The following IL6R variants were observed in gnomAD, a reference collection of about 807,000 sequenced individuals.
IL6R encodes interleukin-6 receptor subunit alpha.
A neutral mutation model predicts 48.3 loss-of-function variants in IL6R; 38 were observed. That is an observed-to-expected ratio of 0.79 (90% CI 0.61 to 1.03). The LOEUF is 1.03. Ranked by LOEUF, IL6R falls within the 50% of genes least tolerant of loss-of-function variation. IL6R has a pLI of 0.00. For synonymous variants in IL6R, 264 were observed against 256.2 expected (o/e 1.03, Z -0.29); for missense variants, 534 against 618.3 (o/e 0.86, Z 1.45).
At chr1:154,415,486 C>T (rs1020840864) in intron 1 of IL6R, among the ~76,000 whole-genome samples, 1 of 152,180 alleles carries the variant, frequency 6.6e-6, no homozygotes, top group Non-Finnish European at 1.5e-5. Flanking sequence ...TAGTTAAAAG[C>T]ACAAATTCTG....
intron 1 of IL6R, among the ~76,000 whole-genome samples, chr1:154,419,254 A>G (rs1177273489): frequency 6.6e-6 from 1 of 152,104 alleles, no homozygotes; most frequent in Non-Finnish European, 1.5e-5. Context: ...GCGCAGGGTA[A>G]GTGTCCCAGT....
At chr1:154,417,393 C>T (rs1688414091) in intron 1 of IL6R, among the ~76,000 whole-genome samples, 1 of 152,202 alleles carries the variant, frequency 6.6e-6, no homozygotes, top group South Asian at 2.1e-4. Context: ...CTTATCTCAG[C>T]ACCCTACACA....
chr1:154,441,291 G>T (rs1167448753), intron 6 of IL6R, among the ~76,000 whole-genome samples: 3 of 152,126 alleles, frequency 2.0e-5, no homozygotes, highest in African/African-American at 4.8e-5. Context: ...GTGTGGTGGG[G>T]GCTGTCTGGC....
rs766192454 is a variant in IL6R at position 154,454,545 on chromosome 1, C to G, written c.1124C>G (p.Ala375Gly). Residue 375 changes from alanine to glycine, a missense_variant, in exon 9 of 10, where the codon GCC (alanine) becomes GGC (glycine). Ala to Gly is a moderately conservative substitution (Grantham distance 60, BLOSUM62 0). Transcript: ENST00000368485. Reference sequence around the variant, plus strand: ...TTCCTGGTTGCTGGAGGGAGCCTGGCCTTCGGAACGCTCCTCTGCATTGCC... The same window carrying G: ...TTCCTGGTTGCTGGAGGGAGCCTGGGCTTCGGAACGCTCCTCTGCATTGCC... ...PTFLVAGGSL[A>G]FGTLLCIAIV... The G allele has an allele frequency of 1.1e-5, 18 of 1,613,746 alleles. No individual in the cohort carries two copies. Among genetic ancestry groups the G allele is most frequent in the Admixed American group, 3.3e-5 (2 of 59,980 alleles).
intron 8 of IL6R, among the ~76,000 whole-genome samples, chr1:154,451,445 G>C (rs1690574046): frequency 6.6e-6 from 1 of 151,936 alleles, no homozygotes; most frequent in Non-Finnish European, 1.5e-5. Flanking sequence ...TTGAACCTGG[G>C]AGGCAGAGGT....
At position 154,448,150 on chromosome 1, in the gene IL6R, C is replaced by G; in HGVS notation, c.975C>G (p.Asn325Lys). Residue 325 changes from asparagine to lysine, a missense_variant, in exon 7 of 10, where the codon AAC becomes AAG. Transcript: ENST00000368485. ...WTESRSPPAENEVSTPMQALT... is the reference protein window; with the variant it reads ...WTESRSPPAEKEVSTPMQALT... ...AATCCAGGAGTCCTCCAGCTGAGAACGAGGTGTCCACCCCCATGCAGGTGA... is the reference window on the plus strand; with the variant it reads ...AATCCAGGAGTCCTCCAGCTGAGAAGGAGGTGTCCACCCCCATGCAGGTGA... The G allele has an allele frequency of 1.2e-6, 2 of 1,613,804 alleles. No homozygotes were observed. Among genetic ancestry groups the G allele is most frequent in the Non-Finnish European group, 1.7e-6 (2 of 1,179,796 alleles).
chr1:154,449,430 T>C (rs1324823378), intron 7 of IL6R, among the ~76,000 whole-genome samples: 1 of 152,142 alleles, frequency 6.6e-6, no homozygotes, highest in African/African-American at 2.4e-5. Flanking sequence ...GGAGAATCGC[T>C]TGAACCTGGG....
At chr1:154,457,157 T>C (rs1690931025) in intron 9 of IL6R, among the ~76,000 whole-genome samples, 1 of 151,636 alleles carries the variant, frequency 6.6e-6, no homozygotes, top group Non-Finnish European at 1.5e-5. Context: ...ACTCCGTCTC[T>C]ACTAAAAACA....
chr1:154,414,493 C>G, intron 1 of IL6R: 1 of 886,624 alleles, frequency 1.1e-6, no homozygotes, highest in East Asian at 2.7e-5. Context: ...GGCCCGGGAC[C>G]CACCCTCACT....
Position 154,435,038 on chromosome 1 carries a change from A to G in IL6R, c.689A>G (p.Asn230Ser). 6.2e-7 allele frequency: 1 copy of G among 1,613,164 alleles called. No homozygotes were observed. ...ATCACAGTCACTGCCGTGGCCAGAA[A>G]CCCCCGCTGGCTCAGTGTCACCTGG... The part of the protein sequence containing the change: ...ANITVTAVAR[N>S]PRWLSVTWQD... The change falls in exon 5 of 10, where the codon AAC becomes AGC. Residue 230 changes from asparagine (N) to serine (S), a missense_variant. Asn to Ser is a conservative substitution (Grantham distance 46). Transcript: ENST00000368485.
At chr1:154,435,508 CA>C (rs71586014) in intron 5 of IL6R, among the ~76,000 whole-genome samples, 8,924 of 135,316 alleles carry the variant, frequency 0.066, 305 homozygotes, top group Middle Eastern at 0.12. Context: ...GACTCCATGT[CA>C]AAAAAAAAAA....
chr1:154,435,508 C>CA (rs71586014), intron 5 of IL6R, among the ~76,000 whole-genome samples: 46,240 of 135,226 alleles, frequency 0.34, 8,714 homozygotes, highest in Admixed American at 0.5. Flanking sequence ...GACTCCATGT[C>CA]AAAAAAAAAA....
rs774288397 is a variant in IL6R, at chr1:154,465,161, T to C, written c.1188T>C (p.Ala396=). 5 of 1,614,150 alleles carry C rather than the reference T, an allele frequency of 3.1e-6. No homozygotes were observed. The highest frequency in any genetic ancestry group is 4.2e-6 in the Non-Finnish European group (5 of 1,180,030). The change falls in exon 10 of 10, where the codon GCT becomes GCC. Residue 396 remains alanine (A), a synonymous_variant. Coordinates refer to ENST00000368485, the MANE Select transcript of IL6R (RefSeq NM_000565.4). ...LRFKKTWKLR[A]LKEGKTSMHP... Reference sequence around the variant, plus strand: ...TCAAGAAGACGTGGAAGCTGCGGGCTCTGAAGGAAGGCAAGACAAGCATGC... The same window carrying C: ...TCAAGAAGACGTGGAAGCTGCGGGCCCTGAAGGAAGGCAAGACAAGCATGC...
intron 7 of IL6R, 140 bp downstream of exon 7, chr1:154,448,311 C>T: frequency 1.5e-6 from 1 of 682,318 alleles, no homozygotes; most frequent in South Asian, 1.7e-5. Flanking sequence ...CTGTGCTTTT[C>T]AAACCTCTGT....
Position 154,405,487 on chromosome 1 carries a change from G to A in IL6R, c.-143G>A. On this transcript the variant is annotated 5_prime_UTR_variant, in exon 1 of 10. Coordinates refer to ENST00000368485, the MANE Select transcript of IL6R (RefSeq NM_000565.4). This position sits in a 1 kb window ranked among gnomAD's most constrained non-coding sequence, Gnocchi z 5.2. ...ACTCGCAGTGTGTGTAGAGAGCCGG[G>A]CTCCTGCGGATGGGGGCTGCCCCCG... is the stretch of plus-strand genomic sequence containing the variant. The A allele has an allele frequency of 1.4e-6, 1 of 700,298 alleles. No individual in the cohort carries two copies. The highest frequency in any genetic ancestry group is 2.2e-6 in the Non-Finnish European group (1 of 448,248). The allele number at this position is 700,298 out of a possible 1,614,324, so 43.4% of individuals were successfully genotyped here. A position where few individuals can be genotyped will look rare whatever the true frequency, so the allele number is the denominator to read the frequency against.
chr1:154,427,796 G>A (rs748784967), intron 1 of IL6R, among the ~76,000 whole-genome samples: 14 of 152,176 alleles, frequency 9.2e-5, no homozygotes, highest in Non-Finnish European at 1.5e-4. Flanking sequence ...TCCTCTGACA[G>A]CCACCTTGGA....
In IL6R at chr1:154,405,852, C is replaced by T. The variant is rs1558293082; in HGVS notation, c.85+138C>T. On this transcript the variant is annotated intron_variant, in intron 1 of 9. Coordinates refer to ENST00000368485, the MANE Select transcript of IL6R (RefSeq NM_000565.4). The surrounding 1 kb of genome is among the most constrained non-coding windows in gnomAD (Gnocchi z 5.2). Reference sequence around the variant, plus strand: ...CCCTTTTCTGTGGCTGCCTTGAGGCCCCGCGGGTACCTAGCTGTGTGGTCG... The same window carrying T: ...CCCTTTTCTGTGGCTGCCTTGAGGCTCCGCGGGTACCTAGCTGTGTGGTCG... 1 of 654,936 alleles carries T rather than the reference C, an allele frequency of 1.5e-6. No homozygotes were observed. The highest frequency in any genetic ancestry group is 3.4e-5 in the Admixed American group (1 of 29,502). 40.6% of individuals were successfully genotyped at this position (654,936 alleles called of 1,614,324 possible).
At chr1:154,448,052 TGATGC>T in intron 6 of IL6R, 68 bp from the exon 7 acceptor site, 2 of 1,250,582 alleles carry the variant, frequency 1.6e-6, no homozygotes, top group Non-Finnish European at 2.3e-6. Context: ...TTTTTTTTTC[TGATGC>T]TGAAGCCCCT....
intron 6 of IL6R, chr1:154,437,563 G>A (rs542329926): frequency 1.0e-5 from 4 of 392,744 alleles, no homozygotes; most frequent in South Asian, 6.7e-5. Context: ...ACAGGCGTGT[G>A]CCACAATGCT....
Sources: allele counts gnomAD v4.1 joint callset (sites outside exome capture counted in the v4.1 genomes callset), GRCh38; gene constraint gnomAD v4.1.1; non-coding constraint Gnocchi (gnomAD v3.1); transcripts MANE v1.5; gene names NCBI Gene and HGNC (gene_info 2026-07-23, HGNC 2026-07-21).